The following DNAH14 variants were observed in gnomAD, a reference collection of about 807,000 sequenced individuals.
DNAH14 encodes axonemal beta dynein heavy chain 14.
Under a neutral mutation model 520.9 loss-of-function variants are expected in DNAH14, and 478 were observed. That is an observed-to-expected ratio of 0.92 (90% CI 0.85 to 0.99). The LOEUF (loss-of-function observed/expected upper bound fraction) is 0.99. Among genes scored for constraint, DNAH14 ranks in the 50% least tolerant of loss-of-function variants. The pLI, the probability that DNAH14 is intolerant of heterozygous loss-of-function variation, is 0.00. For synonymous variants in DNAH14, 1,581 were observed against 1,757.2 expected, an observed-to-expected ratio of 0.90 and a Z score of 2.51; for missense variants, 4,831 against 5,234.5, an observed-to-expected ratio of 0.92 and a Z score of 2.38.
intron 21 of DNAH14, 80 bp from the exon 22 acceptor site, chr1:225,097,038 G>T: frequency 8.4e-7 from 1 of 1,195,204 alleles, no homozygotes; most frequent in South Asian, 1.9e-5. Context: ...AATCACCTTT[G>T]ATCTGTTTCT....
At chr1:225,184,013 A>G (rs1573809061) in intron 36 of DNAH14, among the ~76,000 whole-genome samples, 1 of 152,172 alleles carries the variant, frequency 6.6e-6, no homozygotes, top group African/African-American at 2.4e-5. Context: ...AGTTAATACC[A>G]ATGGTAATCA....
chr1:224,969,466 C>A (rs1193067688), intron 7 of DNAH14: 2 of 162,254 alleles, frequency 1.2e-5, no homozygotes, highest in African/African-American at 4.8e-5. Context: ...TGTATTCTTA[C>A]AATAAAGTAA....
At position 225,145,395 on chromosome 1, in the gene DNAH14, A is replaced by G; in HGVS notation, c.4794+16A>G. 6.5e-7 allele frequency: 1 copy of G among 1,527,772 alleles called. No individual in the cohort carries two copies. The highest frequency in any genetic ancestry group is 8.8e-7 in the Non-Finnish European group (1 of 1,133,724). The allele number at this position is 1,527,772 out of a possible 1,614,324, so 94.6% of individuals were successfully genotyped here. A position where few individuals can be genotyped will look rare whatever the true frequency, so the allele number is the denominator to read the frequency against. On this transcript the variant is annotated intron_variant, in intron 30 of 85. Coordinates refer to ENST00000682510, the MANE Select transcript of DNAH14 (RefSeq NM_001367479.1). ...GGATTATAAGGTAAACCTTAAACAT[A>G]TGTGTCAGGAAGAAATATTGTACAC... is the stretch of plus-strand genomic sequence containing the variant.
At chr1:224,988,500 A>G (rs1304925115) in intron 8 of DNAH14, among the ~76,000 whole-genome samples, 1 of 152,200 alleles carries the variant, frequency 6.6e-6, no homozygotes, top group East Asian at 1.9e-4. Flanking sequence ...GGAAATAAGA[A>G]CACTTTTATA....
intron 40 of DNAH14, among the ~76,000 whole-genome samples, chr1:225,206,667 A>T (rs955491704): frequency 6.6e-6 from 1 of 152,220 alleles, no homozygotes; most frequent in Non-Finnish European, 1.5e-5. Flanking sequence ...TTATGAATAA[A>T]TCTAAGTATA....
chr1:225,287,770 A>G (rs912396098), intron 54 of DNAH14, among the ~76,000 whole-genome samples: 11 of 152,112 alleles, frequency 7.2e-5, no homozygotes, highest in African/African-American at 2.4e-4. Flanking sequence ...CAGGAAATAT[A>G]CAATATGAGC....
At chr1:224,974,684 T>C (rs1487840890) in intron 8 of DNAH14, among the ~76,000 whole-genome samples, 1 of 152,110 alleles carries the variant, frequency 6.6e-6, no homozygotes, top group East Asian at 1.9e-4. Flanking sequence ...ATCACCACAG[T>C]TTCCCTTGTG....
At chr1:225,246,287 C>A (rs1248227286) in intron 43 of DNAH14, among the ~76,000 whole-genome samples, 2 of 152,054 alleles carry the variant, frequency 1.3e-5, no homozygotes, top group East Asian at 3.9e-4. Context: ...TAGAAGAAAA[C>A]CGAGGCAATA....
chr1:225,256,740 A>G (rs2149737697), intron 44 of DNAH14, among the ~76,000 whole-genome samples: 1 of 152,334 alleles, frequency 6.6e-6, no homozygotes, highest in Admixed American at 6.5e-5. Flanking sequence ...AACAAGTAAG[A>G]GAGTAAGAGT....
At chr1:225,274,465 A>G (rs2093415092) in intron 52 of DNAH14, among the ~76,000 whole-genome samples, 1 of 152,022 alleles carries the variant, frequency 6.6e-6, no homozygotes. Context: ...AAGTGCTGGG[A>G]TTACAGGCGT....
At chr1:224,941,676 A>G (rs2125403193) in intron 1 of DNAH14, among the ~76,000 whole-genome samples, 1 of 152,286 alleles carries the variant, frequency 6.6e-6, no homozygotes. Flanking sequence ...ATCTTGAATT[A>G]ATTTTTATAC....
Position 225,086,984 on chromosome 1 carries a change from A to T in DNAH14, c.3573+1195A>T, listed in dbSNP as rs947706963. Reference sequence around the variant, plus strand: ...ATTAAGCACATTCAAGAAGCTGAAAAGAACACCACACACACACACACACAC... The same window carrying T: ...ATTAAGCACATTCAAGAAGCTGAAATGAACACCACACACACACACACACAC... On this transcript the variant is annotated intron_variant, in intron 21 of 85. Transcript: ENST00000682510. 2.4e-5 allele frequency among the ~76,000 whole-genome samples: 3 copies of T among 125,298 alleles called. No individual in the cohort carries two copies. The South Asian group carries it at 7.9e-4, about 33-fold the overall frequency. 82.2% of individuals were successfully genotyped at this position (125,298 alleles called of 152,430 possible). A position where few individuals can be genotyped will look rare whatever the true frequency, so the allele number is the denominator to read the frequency against.
chr1:224,976,193 G>A (rs1023264310), intron 8 of DNAH14, among the ~76,000 whole-genome samples: 16 of 152,064 alleles, frequency 1.1e-4, no homozygotes, highest in African/African-American at 3.4e-4. Flanking sequence ...TGAAAAAAAT[G>A]TATATTCTGT....
At position 225,331,510 on chromosome 1, in the gene DNAH14, G is replaced by GT; in HGVS notation, c.9797_9798insT (p.Lys3267GlufsTer21). On this transcript the variant is annotated frameshift_variant, in exon 65 of 86. Transcript: ENST00000682510. LOFTEE classifies it high-confidence loss of function. ...GCTGAAAAACAACTATTAGCAAATC[G>GT]GAAAACAATGGCCAGCAGGCGCTTT... The GT allele has an allele frequency of 6.4e-7, 1 of 1,551,260 alleles. No individual in the cohort carries two copies. Among genetic ancestry groups the GT allele is most frequent in the Non-Finnish European group, 8.7e-7 (1 of 1,146,792 alleles).
intron 62 of DNAH14, among the ~76,000 whole-genome samples, chr1:225,323,972 T>C (rs1378792905): frequency 6.6e-6 from 1 of 152,022 alleles, no homozygotes; most frequent in Non-Finnish European, 1.5e-5. Flanking sequence ...TGTGCCACCA[T>C]GCACAGCTAA....
At chr1:225,113,722 C>G (rs2076656693) in intron 23 of DNAH14, among the ~76,000 whole-genome samples, 1 of 152,214 alleles carries the variant, frequency 6.6e-6, no homozygotes, top group Non-Finnish European at 1.5e-5. Flanking sequence ...CTTCCCTTCC[C>G]TTTCCACAGG....
intron 8 of DNAH14, among the ~76,000 whole-genome samples, chr1:224,981,762 ATTT>A (rs2062287065): frequency 6.6e-6 from 1 of 151,538 alleles, no homozygotes; most frequent in Non-Finnish European, 1.5e-5. Flanking sequence ...TATCTTTTGT[ATTT>A]TTGGTTGGTT....
intron 42 of DNAH14, among the ~76,000 whole-genome samples, chr1:225,231,836 T>G (rs1317032505): frequency 6.6e-6 from 1 of 152,190 alleles, no homozygotes; most frequent in African/African-American, 2.4e-5. Flanking sequence ...TCCCCAATTT[T>G]TTCCTGCTCA....
chr1:225,076,694 T>C (rs887179397), intron 17 of DNAH14, among the ~76,000 whole-genome samples: 10 of 152,184 alleles, frequency 6.6e-5, no homozygotes, highest in African/African-American at 2.4e-4. Flanking sequence ...GTTCTGAAAG[T>C]TCTGTTTATT....
Sources: gnomAD v4.1 joint callset for allele counts (sites outside exome capture counted in the v4.1 genomes callset) on GRCh38, gnomAD v4.1.1 for gene constraint, MANE v1.5 for transcripts, NCBI Gene and HGNC (gene_info 2026-07-23, HGNC 2026-07-21) for gene names.